Variants in CPXM2 observed in about 807,000 individuals in gnomAD.
CPXM2 encodes carboxypeptidase X, M14 family member 2, also known as inactive carboxypeptidase-like protein X2.
A neutral mutation model predicts 86.1 loss-of-function variants in CPXM2; 66 were observed. The ratio of observed to expected loss-of-function variants is 0.77; its 90% confidence interval spans 0.63 to 0.94. The LOEUF is 0.94. CPXM2 is among the 40% of genes least tolerant of loss of function. The pLI is 0.00. For synonymous variants in CPXM2, 388 were observed against 400.2 expected (o/e 0.97, Z 0.36); for missense variants, 948 against 1,026.3 (o/e 0.92, Z 1.04).
chr10:123,929,985 C>G (rs2134285861), intron 2 of CPXM2, among the ~76,000 whole-genome samples: 1 of 152,348 alleles, frequency 6.6e-6, no homozygotes, highest in East Asian at 1.9e-4. Context: ...ACCTCCCCTC[C>G]CAGGCATCTG....
At chr10:123,820,340 A>C (rs1316303538) in intron 4 of CPXM2, among the ~76,000 whole-genome samples, 4 of 152,172 alleles carry the variant, frequency 2.6e-5, no homozygotes, top group African/African-American at 9.7e-5. Context: ...AGCTCATAGA[A>C]GAGACCCTCT....
intron 2 of CPXM2, among the ~76,000 whole-genome samples, chr10:123,867,020 C>T (rs1274888060): frequency 6.6e-6 from 1 of 152,252 alleles, no homozygotes; most frequent in Non-Finnish European, 1.5e-5. Context: ...GCCTAACACA[C>T]GGCGCCATGC....
chr10:123,762,029 G>T lies in CPXM2; in HGVS notation c.1620C>A (p.Thr540=). The T allele has an allele frequency of 6.2e-7, 1 of 1,613,902 alleles. No individual in the cohort carries two copies. Residue 540 remains threonine (T), a synonymous_variant, in exon 11 of 14, where the codon ACC becomes ACA. Coordinates refer to ENST00000241305, the MANE Select transcript of CPXM2 (RefSeq NM_198148.3). ...VRSPWKTQEH[T]PTPDDHVFRW... is the part of the protein sequence containing the mutation. ...GGAACACGTGGTCGTCGGGGGTGGGGGTGTGTTCCTGCGTCTTCCAGGGGG... is the reference window on the plus strand; with the variant it reads ...GGAACACGTGGTCGTCGGGGGTGGGTGTGTGTTCCTGCGTCTTCCAGGGGG...
At chr10:123,838,816 C>T (rs7910767) in intron 4 of CPXM2, among the ~76,000 whole-genome samples, 46,456 of 151,924 alleles carry the variant, frequency 0.31, 10,458 homozygotes, top group African/African-American at 0.63. Flanking sequence ...ACCAGGGAAG[C>T]GTGCAGGATA....
At chr10:123,787,581 A>G (rs1474905185) in intron 6 of CPXM2, among the ~76,000 whole-genome samples, 2 of 152,098 alleles carry the variant, frequency 1.3e-5, no homozygotes, top group Non-Finnish European at 2.9e-5. Flanking sequence ...TGATTTGTAC[A>G]TGGGACTATT....
At chr10:123,766,610 T>TA in intron 10 of CPXM2, among the ~76,000 whole-genome samples, 1 of 152,204 alleles carries the variant, frequency 6.6e-6, no homozygotes, top group Admixed American at 6.5e-5. Flanking sequence ...TGTACTAAAA[T>TA]AAAAAATAAG....
chr10:123,761,176 G>A (rs1846328177), intron 11 of CPXM2, among the ~76,000 whole-genome samples: 1 of 152,220 alleles, frequency 6.6e-6, no homozygotes, highest in Non-Finnish European at 1.5e-5. Context: ...AGTCCTGAGT[G>A]GATGCCAGGA....
intron 2 of CPXM2, among the ~76,000 whole-genome samples, chr10:123,927,367 G>C (rs1945632102): frequency 6.6e-6 from 1 of 152,214 alleles, no homozygotes; most frequent in South Asian, 2.1e-4. Flanking sequence ...TTGTTGAGTT[G>C]ATGTGAGAAT....
chr10:123,867,987 T>C (rs1944823854), intron 2 of CPXM2, among the ~76,000 whole-genome samples: 1 of 152,176 alleles, frequency 6.6e-6, no homozygotes, highest in Non-Finnish European at 1.5e-5. Flanking sequence ...GCGAGCCACG[T>C]AAGAGAGAGG....
At chr10:123,829,396 G>C (rs1848116591) in intron 4 of CPXM2, among the ~76,000 whole-genome samples, 1 of 149,300 alleles carries the variant, frequency 6.7e-6, no homozygotes, top group South Asian at 2.1e-4. Context: ...TTTTGAGACA[G>C]AGTCTCCCTC....
Position 123,804,888 on chromosome 10 carries a change from CA to C in CPXM2, c.654-5690del, listed in dbSNP as rs367603996. Reference sequence around the variant, plus strand: ...TCAAGTATGAGTTCATTCTTTTTCACATAACAACAGAGTCTGGATGTTTGAT... The same window carrying C: ...TCAAGTATGAGTTCATTCTTTTTCACTAACAACAGAGTCTGGATGTTTGAT... On this transcript the variant is annotated intron_variant, in intron 4 of 13. Transcript: ENST00000241305. 2.8e-4 allele frequency among the ~76,000 whole-genome samples: 42 copies of C among 152,186 alleles called. No homozygotes were observed. The East Asian group carries it at 7.5e-3, about 27-fold the overall frequency.
chr10:123,840,415 T>C (rs1308474256), intron 4 of CPXM2, among the ~76,000 whole-genome samples: 1 of 152,174 alleles, frequency 6.6e-6, no homozygotes, highest in Non-Finnish European at 1.5e-5. Flanking sequence ...ACAAATTATT[T>C]GAGCTCTGAA....
chr10:123,835,847 G>T (rs767452284), intron 4 of CPXM2, among the ~76,000 whole-genome samples: 10 of 152,230 alleles, frequency 6.6e-5, no homozygotes. Flanking sequence ...GGACACAGAG[G>T]CCGGGACGAT....
chr10:123,825,082 T>C (rs1848017738), intron 4 of CPXM2, among the ~76,000 whole-genome samples: 1 of 152,220 alleles, frequency 6.6e-6, no homozygotes, highest in Non-Finnish European at 1.5e-5. Flanking sequence ...TGGAGGATTC[T>C]GAGGGGAAAA....
intron 4 of CPXM2, among the ~76,000 whole-genome samples, chr10:123,806,445 T>C (rs1847579897): frequency 6.6e-6 from 1 of 152,192 alleles, no homozygotes; most frequent in Non-Finnish European, 1.5e-5. Context: ...ACTAACTACA[T>C]AAGCTTGGCA....
upstream of CPXM2, among the ~76,000 whole-genome samples, chr10:123,941,040 G>A (rs180896692): frequency 2.9e-4 from 44 of 152,270 alleles, no homozygotes; most frequent in Admixed American, 1.1e-3. Context: ...GCGTGCTGGT[G>A]GGTGCCTGTA....
intron 10 of CPXM2, among the ~76,000 whole-genome samples, chr10:123,764,966 T>A (rs910454267): frequency 4.6e-5 from 7 of 152,176 alleles, no homozygotes; most frequent in African/African-American, 9.6e-5. Context: ...GTTCTAATTA[T>A]TTTTTAGTTG....
At chr10:123,917,965 G>T (rs983753173) in intron 2 of CPXM2, among the ~76,000 whole-genome samples, 6 of 152,198 alleles carry the variant, frequency 3.9e-5, no homozygotes, top group African/African-American at 1.4e-4. Flanking sequence ...AACACATAAA[G>T]AAATTAAAAC....
chr10:123,854,351 T>TA (rs1848661533), intron 3 of CPXM2, among the ~76,000 whole-genome samples: 1 of 121,904 alleles, frequency 8.2e-6, no homozygotes, highest in African/African-American at 3.5e-5. Flanking sequence ...AATATATATA[T>TA]ATATATAAAA....
Sources: allele counts gnomAD v4.1 joint callset (sites outside exome capture counted in the v4.1 genomes callset), GRCh38; gene constraint gnomAD v4.1.1; transcripts MANE v1.5; gene names NCBI Gene and HGNC (gene_info 2026-07-23, HGNC 2026-07-21).